MYO5A: variants seen among roughly 807,000 people sequenced by gnomAD.
MYO5A encodes the protein unconventional myosin-Va.
Under a neutral mutation model 249.7 loss-of-function variants are expected in MYO5A, and 98 were observed. The ratio of observed to expected loss-of-function variants is 0.39; its 90% CI spans 0.33 to 0.46. The LOEUF is 0.46. Ranked by LOEUF, MYO5A falls within the 20% of genes least tolerant of loss-of-function variation. The pLI is 0.98. For missense variants in MYO5A, 1,696 were observed against 2,308.8 expected, an observed-to-expected ratio of 0.73 and a Z score of 5.44; for synonymous variants, 778 against 810.6, an observed-to-expected ratio of 0.96 and a Z score of 0.68.
intron 30 of MYO5A, 136 bp from the exon 31 acceptor site, chr15:52,343,333 A>C: frequency 2.7e-6 from 2 of 743,416 alleles, no homozygotes; most frequent in Non-Finnish European, 2.3e-6. Flanking sequence ...ACTTTAAGAC[A>C]TTACCACAAA....
intron 1 of MYO5A, among the ~76,000 whole-genome samples, chr15:52,493,072 GA>G (rs35850241): frequency 6.6e-6 from 1 of 152,068 alleles, no homozygotes; most frequent in African/African-American, 2.4e-5. Context: ...GGCCATATGT[GA>G]AAAAGGCTTT....
chr15:52,522,054 T>A (rs973594382), intron 1 of MYO5A, among the ~76,000 whole-genome samples: 3 of 152,208 alleles, frequency 2.0e-5, no homozygotes, highest in African/African-American at 4.8e-5. Flanking sequence ...TGATCTCCAA[T>A]GCCAGGCCTT....
intron 11 of MYO5A, among the ~76,000 whole-genome samples, chr15:52,395,347 A>AT (rs2042442896): frequency 6.6e-6 from 1 of 152,170 alleles, no homozygotes; most frequent in Non-Finnish European, 1.5e-5. Context: ...CCAAATTTGT[A>AT]ACTTGCAGTG....
At chr15:52,474,418 A>G (rs1220557342) in intron 1 of MYO5A, among the ~76,000 whole-genome samples, 1 of 152,152 alleles carries the variant, frequency 6.6e-6, no homozygotes, top group Non-Finnish European at 1.5e-5. Context: ...AGAACTTCCA[A>G]CACTATGTTG....
At chr15:52,397,110 T>C (rs1016217053) in intron 10 of MYO5A, 91 bp downstream of exon 10, 7 of 1,465,506 alleles carry the variant, frequency 4.8e-6, no homozygotes, top group Non-Finnish European at 6.6e-6. Context: ...TCTTTACCAG[T>C]AGGAAACAGA....
intron 11 of MYO5A, 62 bp from the exon 12 acceptor site, chr15:52,392,132 G>A: frequency 6.7e-7 from 1 of 1,486,944 alleles, no homozygotes; most frequent in South Asian, 1.2e-5. Context: ...ATGTAGTCAA[G>A]ATGATACCAA....
chr15:52,441,389 T>C (rs2075782666), intron 1 of MYO5A, among the ~76,000 whole-genome samples: 1 of 152,156 alleles, frequency 6.6e-6, no homozygotes, highest in Admixed American at 6.5e-5. Flanking sequence ...TGAACTTCCA[T>C]ATGCCCACCA....
chr15:52,524,145 T>A (rs1693508), intron 1 of MYO5A, among the ~76,000 whole-genome samples: 5 of 152,118 alleles, frequency 3.3e-5, no homozygotes, highest in Non-Finnish European at 7.3e-5. Flanking sequence ...TTAGATTGTC[T>A]TTGCACTGTT....
chr15:52,433,538 A>G (rs1466843985), intron 1 of MYO5A, among the ~76,000 whole-genome samples: 1 of 149,124 alleles, frequency 6.7e-6, no homozygotes, highest in African/African-American at 2.5e-5. Flanking sequence ...CTCCTGCCTC[A>G]GCCTCCTGAG....
At chr15:52,497,528 G>A (rs943279078) in intron 1 of MYO5A, among the ~76,000 whole-genome samples, 2 of 150,982 alleles carry the variant, frequency 1.3e-5, no homozygotes, top group Admixed American at 1.3e-4. Flanking sequence ...AGGCTGAGGC[G>A]GGCGGATTGC....
intron 1 of MYO5A, among the ~76,000 whole-genome samples, chr15:52,514,307 C>A (rs2077454531): frequency 6.6e-6 from 1 of 152,040 alleles, no homozygotes; most frequent in Non-Finnish European, 1.5e-5. Context: ...AAAAAGTTGT[C>A]AATGAAATGA....
chr15:52,423,291 G>T (rs923582289), intron 4 of MYO5A, among the ~76,000 whole-genome samples: 4 of 152,198 alleles, frequency 2.6e-5, no homozygotes, highest in Non-Finnish European at 5.9e-5. Context: ...GGTGGCTCAT[G>T]CCTGTAATCC....
At chr15:52,504,627 C>T (rs1320208435) in intron 1 of MYO5A, among the ~76,000 whole-genome samples, 3 of 152,104 alleles carry the variant, frequency 2.0e-5, no homozygotes, top group Non-Finnish European at 4.4e-5. Context: ...GAACGCTGGG[C>T]GAGGTGGCTC....
chr15:52,397,090 G>A, intron 10 of MYO5A, 111 bp downstream of exon 10: 1 of 1,332,248 alleles, frequency 7.5e-7, no homozygotes. Context: ...CATAGGCAAA[G>A]TTTCCCTTCT....
intron 1 of MYO5A, among the ~76,000 whole-genome samples, chr15:52,524,858 A>C (rs2077701953): frequency 6.6e-6 from 1 of 150,756 alleles, no homozygotes; most frequent in African/African-American, 2.4e-5. Context: ...ACACAGTGAG[A>C]CCCTGTCTCA....
chr15:52,359,161 C>T (rs188622685), intron 25 of MYO5A, among the ~76,000 whole-genome samples: 5 of 152,292 alleles, frequency 3.3e-5, no homozygotes, highest in Non-Finnish European at 5.9e-5. Flanking sequence ...AAACTTCATT[C>T]TTAAGTAGAA....
At chr15:52,496,811 G>A (rs984727487) in intron 1 of MYO5A, among the ~76,000 whole-genome samples, 4 of 152,206 alleles carry the variant, frequency 2.6e-5, no homozygotes, top group African/African-American at 9.7e-5. Context: ...GCCTCCCTCA[G>A]TCAACCCCAT....
At chr15:52,348,893 A>G in intron 28 of MYO5A, 67 bp from the exon 29 acceptor site, 1 of 1,521,434 alleles carries the variant, frequency 6.6e-7, no homozygotes, top group Non-Finnish European at 9.0e-7. Context: ...CCATAAATAA[A>G]TTTCATCAAT....
chr15:52,410,589 T>C (rs2043204700), intron 5 of MYO5A, 113 bp from the exon 6 acceptor site: 1 of 253,734 alleles, frequency 3.9e-6, no homozygotes, highest in East Asian at 7.5e-5. Flanking sequence ...TTAAAATTGA[T>C]TTTTTTTTTT....
Sources: gnomAD v4.1 joint callset for allele counts (sites outside exome capture counted in the v4.1 genomes callset) on GRCh38, gnomAD v4.1.1 for gene constraint, MANE v1.5 for transcripts, NCBI Gene and HGNC (gene_info 2026-07-23, HGNC 2026-07-21) for gene names.